EBF1: variants seen among roughly 807,000 people sequenced by gnomAD.
EBF1 encodes EBF transcription factor 1.
In EBF1, 10 loss-of-function variants were observed where a neutral mutation model predicts 68.4. That is an observed-to-expected ratio of 0.15 (90% CI 0.09 to 0.25). The LOEUF is 0.25. EBF1 is among the 10% of genes least tolerant of loss of function. The pLI, the probability that EBF1 is intolerant of heterozygous loss-of-function variation, is 1.00. For missense variants in EBF1, 509 were observed against 794.4 expected, an observed-to-expected ratio of 0.64 and a Z score of 4.32; for synonymous variants, 298 against 299.8, an observed-to-expected ratio of 0.99 and a Z score of 0.06.
chr5:158,976,489 T>C lies in EBF1; in HGVS notation c.554+96907A>G, dbSNP rs1486947634. On this transcript the variant is annotated intron_variant, in intron 6 of 15. Coordinates refer to ENST00000313708, the MANE Select transcript of EBF1 (RefSeq NM_024007.5). ...TATCATTCTGTGGATTTCAAAAAGA[T>C]GGTAGTGTTTTTATTGCAAAGGCCT... Among the ~76,000 whole-genome samples, 3 of 120,296 alleles carry C rather than the reference T, an allele frequency of 2.5e-5. No individual in the cohort carries two copies. The East Asian group carries it at 7.4e-4, about 30-fold the overall frequency. 78.9% of individuals were successfully genotyped at this position (120,296 alleles called of 152,430 possible). A position where few individuals can be genotyped will look rare whatever the true frequency, so the allele number is the denominator to read the frequency against.
In EBF1 at chr5:158,883,161, T is replaced by C. The variant is rs79499736; in HGVS notation, c.555-43051A>G. The stretch of plus-strand genomic sequence containing the variant: ...TCACCAGAGAGAGGTACATTCATTT[T>C]TGAAATGTGTGTATCTGTGTCTGTG... On this transcript the variant is annotated intron_variant, in intron 6 of 15. Coordinates refer to ENST00000313708, the MANE Select transcript of EBF1 (RefSeq NM_024007.5). 2.0e-3 allele frequency among the ~76,000 whole-genome samples: 302 copies of C among 152,244 alleles called. 2 individuals are homozygous for C. The highest frequency in any genetic ancestry group is 6.9e-3 in the African/African-American group (288 of 41,548).
At chr5:159,035,273 T>C (rs1769801771) in intron 6 of EBF1, among the ~76,000 whole-genome samples, 1 of 152,096 alleles carries the variant, frequency 6.6e-6, no homozygotes, top group African/African-American at 2.4e-5. Flanking sequence ...CCAAAAATTT[T>C]CTGTTTTACT....
chr5:158,923,379 A>G (rs2127411722), intron 6 of EBF1, among the ~76,000 whole-genome samples: 1 of 152,326 alleles, frequency 6.6e-6, no homozygotes, highest in Middle Eastern at 3.4e-3. Context: ...CTCATCCCAT[A>G]TTTAATGATG....
At chr5:158,705,739 T>C (rs1449559923) in intron 15 of EBF1, among the ~76,000 whole-genome samples, 2 of 152,178 alleles carry the variant, frequency 1.3e-5, no homozygotes, top group Non-Finnish European at 1.5e-5. Context: ...TTCCAACCAC[T>C]TCCTGCTCCT....
At chr5:159,045,023 ATAAATATT>A (rs1772055625) in intron 6 of EBF1, among the ~76,000 whole-genome samples, 1 of 152,236 alleles carries the variant, frequency 6.6e-6, no homozygotes, top group African/African-American at 2.4e-5. Context: ...GAATAACTGT[ATAAATATT>A]TGAGTGTCTT....
At chr5:158,845,065 T>A (rs1175536722) in intron 6 of EBF1, among the ~76,000 whole-genome samples, 2 of 152,172 alleles carry the variant, frequency 1.3e-5, no homozygotes, top group African/African-American at 4.8e-5. Flanking sequence ...GATATAAAAT[T>A]TTTAAAAAAT....
chr5:159,062,465 TG>T (rs1776045120), intron 6 of EBF1, among the ~76,000 whole-genome samples: 1 of 66,738 alleles, frequency 1.5e-5, no homozygotes, highest in Non-Finnish European at 2.9e-5. Context: ...GGATTGGGGG[TG>T]GGGGACAGGA....
chr5:158,756,005 G>T (rs549888223), intron 10 of EBF1, among the ~76,000 whole-genome samples: 1 of 152,120 alleles, frequency 6.6e-6, no homozygotes, highest in South Asian at 2.1e-4. Flanking sequence ...TCCTAACTTG[G>T]CCAAAATGTC....
At chr5:158,765,389 C>T (rs1197613242) in intron 10 of EBF1, among the ~76,000 whole-genome samples, 1 of 151,992 alleles carries the variant, frequency 6.6e-6, no homozygotes, top group African/African-American at 2.4e-5. Context: ...AAATGATGAA[C>T]GTGTGTAGAA....
chr5:158,801,713 G>A (rs1048714730), intron 8 of EBF1, among the ~76,000 whole-genome samples: 2 of 151,244 alleles, frequency 1.3e-5, no homozygotes, highest in Non-Finnish European at 2.9e-5. Flanking sequence ...GCTCCAGTAC[G>A]TATTTAACAA....
intron 7 of EBF1, among the ~76,000 whole-genome samples, chr5:158,833,224 T>G (rs1463154197): frequency 1.3e-5 from 2 of 151,158 alleles, no homozygotes; most frequent in Non-Finnish European, 2.9e-5. Context: ...GAGAATCGCT[T>G]GAACCCAGAG....
At chr5:158,870,552 C>G (rs1037163153) in intron 6 of EBF1, among the ~76,000 whole-genome samples, 1 of 152,012 alleles carries the variant, frequency 6.6e-6, no homozygotes, top group African/African-American at 2.4e-5. Flanking sequence ...GGTACTCACC[C>G]ATAGTCCCAG....
At chr5:158,992,961 C>A (rs1052825140) in intron 6 of EBF1, among the ~76,000 whole-genome samples, 1 of 105,184 alleles carries the variant, frequency 9.5e-6, no homozygotes, top group Non-Finnish European at 1.7e-5. Flanking sequence ...CGGAGTCTTG[C>A]TCTGTTGCCC....
At chr5:159,073,527 G>A (rs1339926148) in intron 5 of EBF1, 63 bp from the exon 6 acceptor site, 9 of 1,577,486 alleles carry the variant, frequency 5.7e-6, no homozygotes, top group Non-Finnish European at 7.8e-6. Context: ...CATTTAGGCA[G>A]ACAGAAGGCT....
At chr5:159,076,047 T>C (rs1429408790) in intron 5 of EBF1, among the ~76,000 whole-genome samples, 1 of 151,434 alleles carries the variant, frequency 6.6e-6, no homozygotes, top group Admixed American at 6.6e-5. Context: ...TTTTTTTTCC[T>C]TTTAAGGCAC....
intron 6 of EBF1, among the ~76,000 whole-genome samples, chr5:159,056,224 T>C (rs1774702169): frequency 6.6e-6 from 1 of 152,352 alleles, no homozygotes; most frequent in South Asian, 2.1e-4. Context: ...AGTGGATTGA[T>C]ACTGGGAAGA....
intron 5 of EBF1, among the ~76,000 whole-genome samples, chr5:159,076,486 T>C (rs1778805890): frequency 6.6e-6 from 1 of 152,108 alleles, no homozygotes; most frequent in African/African-American, 2.4e-5. Flanking sequence ...GCCAGATGAA[T>C]TGAAGCATTC....
chr5:159,044,724 C>T (rs570689051), intron 6 of EBF1, among the ~76,000 whole-genome samples: 32 of 152,152 alleles, frequency 2.1e-4, no homozygotes, highest in Non-Finnish European at 2.5e-4. Context: ...CTGTTGTTGT[C>T]ATTTATTCAA....
chr5:158,845,194 A>T (rs1791211465), intron 6 of EBF1, among the ~76,000 whole-genome samples: 1 of 152,238 alleles, frequency 6.6e-6, no homozygotes, highest in African/African-American at 2.4e-5. Context: ...GTGTTTTTAC[A>T]GTAAAGACAG....
Sources: allele counts gnomAD v4.1 joint callset (sites outside exome capture counted in the v4.1 genomes callset), GRCh38; gene constraint gnomAD v4.1.1; transcripts MANE v1.5; gene names NCBI Gene and HGNC (gene_info 2026-07-23, HGNC 2026-07-21).